PTPN7: variants seen among roughly 807,000 people sequenced by gnomAD.
The protein encoded by PTPN7 is protein tyrosine phosphatase non-receptor type 7.
Under a neutral mutation model 50.3 loss-of-function variants are expected in PTPN7, and 33 were observed. That is an observed-to-expected ratio of 0.66 (90% CI 0.50 to 0.88). The LOEUF (loss-of-function observed/expected upper bound fraction) is 0.88, where lower values mean the gene tolerates loss of function less well. Ranked by LOEUF, PTPN7 falls within the 40% of genes least tolerant of loss-of-function variation. PTPN7 has a pLI of 0.00. For synonymous variants in PTPN7, 185 were observed against 186.6 expected, an observed-to-expected ratio of 0.99 and a Z score of 0.07; for missense variants, 412 against 475.4, an observed-to-expected ratio of 0.87 and a Z score of 1.24.
chr1:202,154,030 C>T (rs184813903), intron 6 of PTPN7, among the ~76,000 whole-genome samples, 156 bp downstream of exon 6: 1 of 152,166 alleles, frequency 6.6e-6, no homozygotes, highest in East Asian at 1.9e-4. Context: ...CATAGACAGC[C>T]TCCCAGGGCT....
chr1:202,157,259 C>T (rs751957861), intron 4 of PTPN7, among the ~76,000 whole-genome samples: 21 of 152,192 alleles, frequency 1.4e-4, no homozygotes, highest in Non-Finnish European at 2.9e-4. Context: ...CCTGTAATCC[C>T]AGCACTTTGG....
In PTPN7 at chr1:202,159,730, C is replaced by T. The variant is rs1023440161; in HGVS notation, c.-52-276G>A. 5.2e-6 allele frequency: 7 copies of T among 1,356,152 alleles called. No homozygotes were observed. The African/African-American group carries it at 7.3e-5, about 14-fold the overall frequency. 84.0% of individuals were successfully genotyped at this position (1,356,152 alleles called of 1,614,324 possible). Reference sequence around the variant, plus strand: ...GAGGAAAAGAGAGAGGGGAGAGAGGCCACACACCAGAGTACACAGGGCTCT... The same window carrying T: ...GAGGAAAAGAGAGAGGGGAGAGAGGTCACACACCAGAGTACACAGGGCTCT... On this transcript the variant is annotated intron_variant, in intron 1 of 9. Transcript: ENST00000691036. The surrounding 1 kb of genome is among the most constrained non-coding windows in gnomAD (Gnocchi z 4.6).
rs755914613 is a variant in PTPN7 at position 202,150,245 on chromosome 1, C to T, written c.989+66G>A. ...TGATGGTGATGGGCCTAGCAGAACT[C>T]TGGGGCCCAGAGGCACTGATGCCAT... On this transcript the variant is annotated intron_variant, in intron 9 of 9. Coordinates refer to ENST00000691036, the MANE Select transcript of PTPN7 (RefSeq NM_002832.4). 730 of 1,279,248 alleles carry T rather than the reference C, an allele frequency of 5.7e-4. 3 individuals are homozygous for T. The highest frequency in any genetic ancestry group is 1.1e-3 in the South Asian group (88 of 79,840). 79.2% of individuals were successfully genotyped at this position (1,279,248 alleles called of 1,614,324 possible). A position where few individuals can be genotyped will look rare whatever the true frequency, so the allele number is the denominator to read the frequency against.
Position 202,159,513 on chromosome 1 carries a change from C to A in PTPN7, c.-52-59G>T. 1 of 1,571,128 alleles carries A rather than the reference C, an allele frequency of 6.4e-7. No homozygotes were observed. Among genetic ancestry groups the A allele is most frequent in the Non-Finnish European group, 8.7e-7 (1 of 1,155,718 alleles). On this transcript the variant is annotated intron_variant, in intron 1 of 9. Coordinates refer to ENST00000691036, the MANE Select transcript of PTPN7 (RefSeq NM_002832.4). The surrounding 1 kb of genome is among the most constrained non-coding windows in gnomAD (Gnocchi z 4.6). ...GCCTGCCTGATTGGCCAGAAGGAGGCTCCCATGCCAGGCCAGGTTTGCACT... is the reference window on the plus strand; with the variant it reads ...GCCTGCCTGATTGGCCAGAAGGAGGATCCCATGCCAGGCCAGGTTTGCACT...
intron 6 of PTPN7, 93 bp from the exon 7 acceptor site, chr1:202,153,928 C>G (rs1656342734): frequency 5.3e-6 from 6 of 1,124,668 alleles, no homozygotes; most frequent in Non-Finnish European, 5.4e-6. Flanking sequence ...CCATCCTCCA[C>G]CCCTACTGGA....
rs1048268736 is a variant in PTPN7 at position 202,160,051 on chromosome 1, T to C, written c.-53+494A>G. ...GGTGTTTCCTTCCTCCTCCTGCCCA[T>C]CCCCCCGTCTCCCGCCTCTGTAACC... On this transcript the variant is annotated intron_variant, in intron 1 of 9. Transcript: ENST00000691036. The surrounding 1 kb of genome is among the most constrained non-coding windows in gnomAD (Gnocchi z 4.8). 2.3e-6 allele frequency: 2 copies of C among 872,974 alleles called. No homozygotes were observed. Among genetic ancestry groups the C allele is most frequent in the Non-Finnish European group, 2.8e-6 (2 of 724,420 alleles). 54.1% of individuals were successfully genotyped at this position (872,974 alleles called of 1,614,324 possible).
intron 2 of PTPN7, 114 bp from the exon 3 acceptor site, chr1:202,158,415 T>C (rs1421752334): frequency 8.9e-7 from 1 of 1,123,128 alleles, no homozygotes; most frequent in African/African-American, 1.6e-5. Flanking sequence ...GTCTGGAGTG[T>C]GATGGCACTA....
chr1:202,157,966 G>T, intron 3 of PTPN7, 143 bp from the exon 4 acceptor site: 1 of 1,239,804 alleles, frequency 8.1e-7, no homozygotes, highest in Non-Finnish European at 1.1e-6. Flanking sequence ...AGAAGGGGAA[G>T]CCTGGGGGCA....
intron 9 of PTPN7, chr1:202,150,080 G>A (rs764075607): frequency 5.0e-5 from 20 of 402,064 alleles, no homozygotes; most frequent in Non-Finnish European, 7.1e-5. Context: ...TGATCCACCC[G>A]CCTCAGCCTC....
chr1:202,153,216 C>CAGT (rs1656245850), intron 7 of PTPN7, among the ~76,000 whole-genome samples: 1 of 152,000 alleles, frequency 6.6e-6, no homozygotes, highest in Non-Finnish European at 1.5e-5. Context: ...GGCTGGAGTG[C>CAGT]AGTAGCACAA....
chr1:202,161,010 C>T (rs1036536309), upstream of PTPN7: 14 of 1,006,466 alleles, frequency 1.4e-5, no homozygotes, highest in Non-Finnish European at 1.8e-5. Context: ...TGCCCCACAG[C>T]CCTCTCCCTC....
intron 7 of PTPN7, among the ~76,000 whole-genome samples, 197 bp downstream of exon 7, chr1:202,153,528 C>T (rs1175630548): frequency 6.6e-6 from 1 of 152,210 alleles, no homozygotes; most frequent in Non-Finnish European, 1.5e-5. Flanking sequence ...TCCCGGTAGT[C>T]CTATTTGGCT....
chr1:202,153,694 C>G (rs372758187), intron 7 of PTPN7, 31 bp downstream of exon 7: 59 of 1,573,776 alleles, frequency 3.7e-5, no homozygotes, highest in Non-Finnish European at 4.6e-5. Context: ...GGCCCAACTT[C>G]CCACTGGGCC....
chr1:202,159,079 G>A lies in PTPN7; in HGVS notation c.122+202C>T. ...GCCTTGCCTGGAATTTAGGGAGCAG[G>A]CTCATGGTTGATATGAAACTCTGTG... On this transcript the variant is annotated intron_variant, in intron 2 of 9. Coordinates refer to ENST00000691036, the MANE Select transcript of PTPN7 (RefSeq NM_002832.4). This position sits in a 1 kb window ranked among gnomAD's most constrained non-coding sequence, Gnocchi z 4.6. 1 of 599,268 alleles carries A rather than the reference G, an allele frequency of 1.7e-6. No homozygotes were observed. Among genetic ancestry groups the A allele is most frequent in the East Asian group, 2.8e-5 (1 of 35,710 alleles). The allele number at this position is 599,268 out of a possible 1,614,324, so 37.1% of individuals were successfully genotyped here. A position where few individuals can be genotyped will look rare whatever the true frequency, so the allele number is the denominator to read the frequency against.
At chr1:202,160,657 T>C (rs759217336), upstream of PTPN7, 2 of 1,550,590 alleles carry the variant, frequency 1.3e-6, no homozygotes, top group South Asian at 2.4e-5. The surrounding 1 kb of genome is among the most constrained non-coding windows in gnomAD (Gnocchi z 4.8). Context: ...CCGCCCCTCC[T>C]TGCTGCCACC....
rs768415391 is a variant in PTPN7, at chr1:202,158,135, G to A, written c.289C>T (p.Leu97=). The stretch of plus-strand genomic sequence containing the variant: ...TTTCTTACCAAGAATTCTTCTTCCA[G>A]TTGCTTGGGGCTGGGTGGCTGGCGC... ...LQRQPPSPKQ[L]EEEFLKIPSN... The change falls in exon 3 of 10, where the codon CTG becomes TTG. Residue 97 remains leucine (L), a synonymous_variant. Coordinates refer to ENST00000691036, the MANE Select transcript of PTPN7 (RefSeq NM_002832.4). 11 of 1,596,672 alleles carry A rather than the reference G, an allele frequency of 6.9e-6. No individual in the cohort carries two copies. Among genetic ancestry groups the A allele is most frequent in the South Asian group, 5.6e-5 (5 of 89,068 alleles).
At chr1:202,154,354 G>A (rs1438782797) in intron 5 of PTPN7, 31 bp from the exon 6 acceptor site, 1 of 1,595,290 alleles carries the variant, frequency 6.3e-7, no homozygotes, top group Admixed American at 1.7e-5. Context: ...GGAAGGGGTG[G>A]GGAGCAGTGA....
chr1:202,160,425 C>T lies in PTPN7; in HGVS notation c.-53+120G>A. The T allele has an allele frequency of 9.4e-7, 1 of 1,061,798 alleles. No individual in the cohort carries two copies. The highest frequency in any genetic ancestry group is 1.4e-6 in the Non-Finnish European group (1 of 734,580). The allele number at this position is 1,061,798 out of a possible 1,614,324, so 65.8% of individuals were successfully genotyped here. On this transcript the variant is annotated intron_variant, in intron 1 of 9. Transcript: ENST00000691036. This position sits in a 1 kb window ranked among gnomAD's most constrained non-coding sequence, Gnocchi z 4.8. The stretch of plus-strand genomic sequence containing the variant: ...AGGTCTGTGAGCACCCATACCCCAG[C>T]CAGGCACTGTGGCGCCCCACTCGCC...
rs1657069326 is a variant in PTPN7 at position 202,159,321 on chromosome 1, C to T, written c.82G>A (p.Glu28Lys). The T allele has an allele frequency of 1.2e-6, 2 of 1,614,136 alleles. No individual in the cohort carries two copies. The highest frequency in any genetic ancestry group is 1.7e-6 in the Non-Finnish European group (2 of 1,180,004). Reference protein sequence around the residue: ...LGAAMTQPPPEKTPAKKHVRL... With the variant: ...LGAAMTQPPPKKTPAKKHVRL... ...ACATGCTTCTTGGCTGGCGTTTTTT[C>T]AGGCGGAGGCTGGGTCATGGCTGCC... The change falls in exon 2 of 10, where the codon GAA (glutamate) becomes AAA (lysine). Residue 28 changes from glutamate (E) to lysine (K), a missense_variant. Glu to Lys is a moderately conservative substitution (Grantham distance 56). Coordinates refer to ENST00000691036, the MANE Select transcript of PTPN7 (RefSeq NM_002832.4). This position sits in a 1 kb window ranked among gnomAD's most constrained non-coding sequence, Gnocchi z 4.6.
Sources: allele counts gnomAD v4.1 joint callset (sites outside exome capture counted in the v4.1 genomes callset), GRCh38; gene constraint gnomAD v4.1.1; non-coding constraint Gnocchi (gnomAD v3.1); transcripts MANE v1.5; gene names NCBI Gene and HGNC (gene_info 2026-07-23, HGNC 2026-07-21).